Variants in RSBN1 observed in about 807,000 individuals in gnomAD.
RSBN1 encodes lysine-specific demethylase 9.
A neutral mutation model predicts 74.8 loss-of-function variants in RSBN1; 23 were observed. The ratio of observed to expected loss-of-function variants is 0.31; its 90% CI spans 0.22 to 0.44. The LOEUF is 0.44. Ranked by LOEUF, RSBN1 falls within the 20% of genes least tolerant of loss-of-function variation. The pLI, the probability that RSBN1 is intolerant of heterozygous loss-of-function variation, is 1.00. For synonymous variants in RSBN1, 407 were observed against 379.6 expected (o/e 1.07, Z -0.84); for missense variants, 808 against 1,020.9 (o/e 0.79, Z 2.84).
chr1:113,811,319 G>C (rs1048909960), intron 1 of RSBN1, among the ~76,000 whole-genome samples: 1 of 152,172 alleles, frequency 6.6e-6, no homozygotes, highest in Admixed American at 6.5e-5. Context: ...TCTGGAGCAA[G>C]GGAGAGCAGA....
chr1:113,778,255 A>C (rs1660068080), intron 2 of RSBN1, among the ~76,000 whole-genome samples: 1 of 151,068 alleles, frequency 6.6e-6, no homozygotes, highest in Non-Finnish European at 1.5e-5. Flanking sequence ...AGATACCAGG[A>C]TACGAGGCTC....
At chr1:113,806,315 A>G (rs1210054235) in intron 1 of RSBN1, among the ~76,000 whole-genome samples, 1 of 151,746 alleles carries the variant, frequency 6.6e-6, no homozygotes, top group African/African-American at 2.4e-5. Flanking sequence ...AGCCTGGCAC[A>G]GAGCGAGACT....
chr1:113,776,935 C>G (rs1660044482), intron 4 of RSBN1, among the ~76,000 whole-genome samples: 3 of 151,922 alleles, frequency 2.0e-5, no homozygotes, highest in Admixed American at 6.6e-5. Flanking sequence ...GTACAGTTGA[C>G]CTGATTATTA....
intron 2 of RSBN1, among the ~76,000 whole-genome samples, chr1:113,784,108 T>G (rs1264991694): frequency 1.3e-5 from 2 of 152,028 alleles, no homozygotes; most frequent in African/African-American, 4.8e-5. Flanking sequence ...ATGCAAGAAA[T>G]CAAAAGTATT....
intron 4 of RSBN1, among the ~76,000 whole-genome samples, chr1:113,770,616 C>T (rs1484341822): frequency 6.6e-6 from 1 of 152,134 alleles, no homozygotes. Flanking sequence ...ATTTCTATGC[C>T]TGTTCACTCT....
At chr1:113,783,429 C>G (rs1660175084) in intron 2 of RSBN1, among the ~76,000 whole-genome samples, 1 of 150,894 alleles carries the variant, frequency 6.6e-6, no homozygotes, top group Admixed American at 6.6e-5. Flanking sequence ...TCAACATGCA[C>G]CAACTTTCAA....
chr1:113,790,945 T>C (rs1660352267), intron 2 of RSBN1, among the ~76,000 whole-genome samples: 1 of 152,176 alleles, frequency 6.6e-6, no homozygotes, highest in African/African-American at 2.4e-5. Flanking sequence ...CAAATTATTC[T>C]TAGGATCTGG....
intron 1 of RSBN1, among the ~76,000 whole-genome samples, chr1:113,802,385 A>AT (rs1240762768): frequency 6.6e-6 from 1 of 152,032 alleles, no homozygotes; most frequent in Non-Finnish European, 1.5e-5. Flanking sequence ...AACAAGTGTA[A>AT]TTGCTTACAT....
At chr1:113,779,880 G>C (rs1660103076) in intron 2 of RSBN1, among the ~76,000 whole-genome samples, 1 of 152,046 alleles carries the variant, frequency 6.6e-6, no homozygotes, top group Non-Finnish European at 1.5e-5. Context: ...AATTAGCCAG[G>C]CACGGTGGTG....
chr1:113,773,832 G>A (rs186286744), intron 4 of RSBN1, among the ~76,000 whole-genome samples: 32 of 151,624 alleles, frequency 2.1e-4, no homozygotes, highest in Admixed American at 6.6e-4. Context: ...GTGAAACCCC[G>A]TCTCTACTAA....
At chr1:113,808,876 T>C (rs970943121) in intron 1 of RSBN1, among the ~76,000 whole-genome samples, 1 of 152,202 alleles carries the variant, frequency 6.6e-6, no homozygotes, top group East Asian at 1.9e-4. Flanking sequence ...TAGTGGTGGT[T>C]ACACTAATCT....
chr1:113,812,388 C>T lies in RSBN1; in HGVS notation c.25G>A (p.Ala9Thr). ...CTCTCCTCCGCCCTCCACTTGTCGG[C>T]CGTTCTTCGTCCAGAGATGAACATG... MFISGRRT[A>T]DKWRAEERLQ... The change falls in exon 1 of 7, where the codon GCC becomes ACC. Residue 9 changes from alanine (A) to threonine (T), a missense_variant. Ala to Thr is a moderately conservative substitution (Grantham distance 58, BLOSUM62 0). Transcript: ENST00000261441. 1.2e-6 allele frequency: 2 copies of T among 1,601,038 alleles called. No individual in the cohort carries two copies. The highest frequency in any genetic ancestry group is 8.5e-7 in the Non-Finnish European group (1 of 1,178,842).
At chr1:113,766,498 AT>A in intron 6 of RSBN1, 45 bp from the exon 7 acceptor site, 1 of 1,252,208 alleles carries the variant, frequency 8.0e-7, no homozygotes, top group Non-Finnish European at 1.1e-6. Context: ...ATATGTAATA[AT>A]TTAGTCAAGT....
intron 2 of RSBN1, among the ~76,000 whole-genome samples, chr1:113,791,135 G>A (rs1660356373): frequency 2.2e-4 from 34 of 152,106 alleles, no homozygotes; most frequent in Admixed American, 2.2e-3. Context: ...ATGGAAGCAG[G>A]AGACATAACG....
rs1659768604 is a variant in RSBN1, at chr1:113,765,848, G to A, written c.*132C>T. ...TGTAAAAAAGATATGCTTGACATTTGTGGAATGTCATTTCTCTTTATAGAA... is the reference window on the plus strand; with the variant it reads ...TGTAAAAAAGATATGCTTGACATTTATGGAATGTCATTTCTCTTTATAGAA... On this transcript the variant is annotated 3_prime_UTR_variant, in exon 7 of 7. Coordinates refer to ENST00000261441, the MANE Select transcript of RSBN1 (RefSeq NM_018364.5). 1.5e-6 allele frequency: 1 copy of A among 674,900 alleles called. No homozygotes were observed. Among genetic ancestry groups the A allele is most frequent in the Admixed American group, 2.9e-5 (1 of 34,290 alleles). 41.8% of individuals were successfully genotyped at this position (674,900 alleles called of 1,614,324 possible).
intron 1 of RSBN1, among the ~76,000 whole-genome samples, chr1:113,798,803 C>T (rs1047645091): frequency 3.9e-5 from 6 of 152,156 alleles, no homozygotes; most frequent in African/African-American, 1.4e-4. Flanking sequence ...ACTGATTAAA[C>T]TCTGGTAGTT....
intron 1 of RSBN1, among the ~76,000 whole-genome samples, chr1:113,799,565 T>TACACACACACAC (rs66958734): frequency 1.1e-4 from 15 of 142,088 alleles, no homozygotes; most frequent in East Asian, 4.3e-4. Flanking sequence ...ATAGATGCTT[T>TACACACACACAC]ACACACACAC....
At chr1:113,805,593 C>G (rs559571611) in intron 1 of RSBN1, among the ~76,000 whole-genome samples, 1 of 152,318 alleles carries the variant, frequency 6.6e-6, no homozygotes, top group South Asian at 2.1e-4. Context: ...GTATTCAGCT[C>G]TATCACCAAC....
intron 2 of RSBN1, among the ~76,000 whole-genome samples, chr1:113,788,581 T>C (rs1235289495): frequency 1.3e-5 from 2 of 152,212 alleles, no homozygotes; most frequent in Non-Finnish European, 2.9e-5. Context: ...GGAATCATTA[T>C]GGCATTGGAT....
Sources: gnomAD v4.1 joint callset for allele counts (sites outside exome capture counted in the v4.1 genomes callset) on GRCh38, gnomAD v4.1.1 for gene constraint, MANE v1.5 for transcripts, NCBI Gene and HGNC (gene_info 2026-07-23, HGNC 2026-07-21) for gene names.